Variants in TDRD6 observed in about 807,000 individuals in gnomAD.
TDRD6 encodes the protein tudor domain containing 6.
A neutral mutation model predicts 157.5 loss-of-function variants in TDRD6; 186 were observed. The ratio of observed to expected loss-of-function variants is 1.18; its 90% CI spans 1.05 to 1.33. The LOEUF (loss-of-function observed/expected upper bound fraction) is 1.33, where lower values mean the gene tolerates loss of function less well. Among genes scored for constraint, TDRD6 ranks in the 40% most tolerant of loss-of-function variants. The pLI, the probability that TDRD6 is intolerant of heterozygous loss-of-function variation, is 0.00. For synonymous variants in TDRD6, 1,075 were observed against 945.2 expected (o/e 1.14, Z -2.52); for missense variants, 3,066 against 2,508.0 (o/e 1.22, Z -4.75).
rs1304145409 is a variant in TDRD6, at chr6:46,689,670, T to A, written c.1542T>A (p.Ser514Arg). The A allele has an allele frequency of 6.2e-7, 1 of 1,614,214 alleles. No homozygotes were observed. The change falls in exon 1 of 4, where the codon AGT (serine) becomes AGA (arginine). Residue 514 changes from serine (S) to arginine (R), a missense_variant. Transcript: ENST00000316081. ...IRLRKHNVTF[S>R]KLMRRMCGFY... ...TGAGGAAACACAATGTCACCTTCAGTAAGCTGATGAGGAGAATGTGTGGTT... is the reference window on the plus strand; with the variant it reads ...TGAGGAAACACAATGTCACCTTCAGAAAGCTGATGAGGAGAATGTGTGGTT...
chr6:46,689,217 G>C lies in TDRD6; in HGVS notation c.1089G>C (p.Leu363=). ...GTTGCAGCAGCCTTCGGTACTTGCTGCCTGAATATTTTCGAATGCCGGTGG... is the reference window on the plus strand; with the variant it reads ...GTTGCAGCAGCCTTCGGTACTTGCTCCCTGAATATTTTCGAATGCCGGTGG... ...LVSCSSLRYL[L]PEYFRMPVVT... Residue 363 remains leucine, a synonymous_variant, in exon 1 of 4, where the codon CTG becomes CTC. Transcript: ENST00000316081. 6.2e-7 allele frequency: 1 copy of C among 1,614,204 alleles called. No homozygotes were observed. The highest frequency in any genetic ancestry group is 1.1e-5 in the South Asian group (1 of 91,078).
rs1386723563 is a variant in TDRD6 at position 46,688,320 on chromosome 6, C to T, written c.192C>T (p.Ser64=). 5 of 1,519,686 alleles carry T rather than the reference C, an allele frequency of 3.3e-6. No homozygotes were observed. The highest frequency in any genetic ancestry group is 4.4e-6 in the Non-Finnish European group (5 of 1,139,178). 94.1% of individuals were successfully genotyped at this position (1,519,686 alleles called of 1,614,324 possible). A position where few individuals can be genotyped will look rare whatever the true frequency, so the allele number is the denominator to read the frequency against. The change falls in exon 1 of 4, where the codon AGC becomes AGT. Residue 64 remains serine (S), a synonymous_variant. Transcript: ENST00000316081. ...AATRGQWALG[S]ASASPGELCL... ...CGCGCGGCCAGTGGGCGCTGGGCAG[C>T]GCCTCGGCCTCGCCCGGCGAGCTGT...
the TDRD6 span, chr6:46,681,494 C>T: frequency 0.84 from 391,607 of 468,414 alleles, 164,576 homozygotes; most frequent in African/African-American, 0.95. Context: ...GAATACATTA[C>T]TTTCTTCTCT....
rs1431957434 is a variant in TDRD6 at position 46,688,540 on chromosome 6, G to A, written c.412G>A (p.Gly138Ser). The A allele has an allele frequency of 5.7e-6, 9 of 1,575,762 alleles. No homozygotes were observed. The highest frequency in any genetic ancestry group is 6.9e-6 in the Non-Finnish European group (8 of 1,166,266). The stretch of plus-strand genomic sequence containing the variant: ...CGTGCTAGCGGGCCTGGTGCCGGCA[G>A]GCTGCGGCGCGGGCTCAGGCGAGCC... ...GCVLAGLVPAGCGAGSGEPPQ... is the reference protein window; with the variant it reads ...GCVLAGLVPASCGAGSGEPPQ... The change falls in exon 1 of 4, where the codon GGC becomes AGC. Residue 138 changes from glycine (G) to serine (S), a missense_variant. Gly to Ser is a moderately conservative substitution (Grantham distance 56, BLOSUM62 0). Transcript: ENST00000316081.
Position 46,689,996 on chromosome 6 carries a change from CTG to C in TDRD6, c.1871_1872del (p.Val624AlafsTer11). 1 of 1,613,480 alleles carries C rather than the reference CTG, an allele frequency of 6.2e-7. No individual in the cohort carries two copies. Among genetic ancestry groups the C allele is most frequent in the African/African-American group, 1.3e-5 (1 of 74,958 alleles). On this transcript the variant is annotated frameshift_variant, in exon 1 of 4. Coordinates refer to ENST00000316081, the MANE Select transcript of TDRD6 (RefSeq NM_001010870.3). LOFTEE classifies it high-confidence loss of function. ...GAGGCAGTTTCCTTTTTTAAAAAGA[CTG>C]TGCTCCACAAAGAATTAGTCATCCA... is the stretch of plus-strand genomic sequence containing the variant.
Position 46,694,096 on chromosome 6 carries a change from G to T in TDRD6, c.5968G>T (p.Ala1990Ser), listed in dbSNP as rs1388486143. The change falls in exon 1 of 4, where the codon GCA (alanine) becomes TCA (serine). Residue 1990 changes from alanine (A) to serine (S), a missense_variant. Transcript: ENST00000316081. ...GTATAAAAACAGGGATGCCATTTCG[G>T]CATTGATGCCTTTGTTCTCTGAGGA... Reference protein sequence around the residue: ...VEYKNRDAISALMPLFSEEES... With the variant: ...VEYKNRDAISSLMPLFSEEES... The T allele has an allele frequency of 1.9e-6, 3 of 1,610,002 alleles. No individual in the cohort carries two copies. Among genetic ancestry groups the T allele is most frequent in the South Asian group, 2.2e-5 (2 of 89,972 alleles).
At chr6:46,682,042 A>T in the TDRD6 span, among the ~76,000 whole-genome samples, 60 of 152,222 alleles carry the variant, frequency 3.9e-4, no homozygotes, top group African/African-American at 1.4e-3. Flanking sequence ...AATGGTTTCA[A>T]TGGTAAGTTT....
rs1288943845 is a variant in TDRD6 at position 46,693,758 on chromosome 6, C to T, written c.5630C>T (p.Pro1877Leu). ...CTAAGCCCGGTGCCACCGAATGTGC[C>T]ACTCTCCCAAGAGTGTGTCACAAAA... ...GELSPVPPNV[P>L]LSQECVTKGA... The change falls in exon 1 of 4, where the codon CCA becomes CTA. Residue 1877 changes from proline to leucine, a missense_variant. Coordinates refer to ENST00000316081, the MANE Select transcript of TDRD6 (RefSeq NM_001010870.3). 1 of 1,614,038 alleles carries T rather than the reference C, an allele frequency of 6.2e-7. No homozygotes were observed. The highest frequency in any genetic ancestry group is 1.3e-5 in the African/African-American group (1 of 74,918).
chr6:46,696,031 C>T lies in TDRD6; in HGVS notation c.6171+86C>T, dbSNP rs578070808. On this transcript the variant is annotated intron_variant, in intron 2 of 3. Coordinates refer to ENST00000316081, the MANE Select transcript of TDRD6 (RefSeq NM_001010870.3). ...CCAGACTCTGTCAGACTAGAGAACGCGATTGAACAAATGTTTACTTGCTTG... is the reference window on the plus strand; with the variant it reads ...CCAGACTCTGTCAGACTAGAGAACGTGATTGAACAAATGTTTACTTGCTTG... The T allele has an allele frequency of 4.4e-5, 62 of 1,421,136 alleles. 1 individual carries two copies. In the Middle Eastern group the frequency reaches 1.2e-3, roughly 27 times the overall value. 88.0% of individuals were successfully genotyped at this position (1,421,136 alleles called of 1,614,324 possible).
In TDRD6 at chr6:46,703,289, AAGT is replaced by A. The variant is rs1241882745; in HGVS notation, c.*1405_*1407del. On this transcript the variant is annotated 3_prime_UTR_variant, in exon 4 of 4. Coordinates refer to ENST00000316081, the MANE Select transcript of TDRD6 (RefSeq NM_001010870.3). Reference sequence around the variant, plus strand: ...CTTAAAAACCCATTATAATTTCCGTAAGTAGAAGGGAGAGAGGTTTGCATTAAA... The same window carrying A: ...CTTAAAAACCCATTATAATTTCCGTAAGAAGGGAGAGAGGTTTGCATTAAA... 2 of 152,094 alleles carry A rather than the reference AAGT, an allele frequency of 1.3e-5. No individual in the cohort carries two copies. The highest frequency in any genetic ancestry group is 6.6e-5 in the Admixed American group (1 of 15,262). The allele number at this position is 152,094 out of a possible 1,614,324, so 9.4% of individuals were successfully genotyped here.
chr6:46,695,935 A>G lies in TDRD6; in HGVS notation c.6161A>G (p.Glu2054Gly). ...TGTGAGATTTTAGAAACAGCTGAAG[A>G]AGGAACAAGGGTAAGTGATGTTTAA... The part of the protein sequence containing the change: ...SKCEILETAE[E>G]GTRVLNLSNG... Residue 2054 changes from glutamate to glycine, a missense_variant, in exon 2 of 4, where the codon GAA becomes GGA. Coordinates refer to ENST00000316081, the MANE Select transcript of TDRD6 (RefSeq NM_001010870.3). 1 of 1,613,058 alleles carries G rather than the reference A, an allele frequency of 6.2e-7. No homozygotes were observed. The highest frequency in any genetic ancestry group is 1.1e-5 in the South Asian group (1 of 90,958).
At position 46,691,502 on chromosome 6, in the gene TDRD6, AG is replaced by A; in HGVS notation, c.3376del (p.Ala1126LeufsTer2). The A allele has an allele frequency of 6.2e-7, 1 of 1,614,082 alleles. No homozygotes were observed. On this transcript the variant is annotated frameshift_variant, in exon 1 of 4. Coordinates refer to ENST00000316081, the MANE Select transcript of TDRD6 (RefSeq NM_001010870.3). LOFTEE classifies it high-confidence loss of function. ...FQETILDKSL[K>X]ALVVAKDPDG... ...GAGACTATTTTAGATAAGTCATTGA[AG>A]GCTTTAGTTGTAGCAAAAGATCCAG...
rs779365592 is a variant in TDRD6, at chr6:46,688,475, G to A, written c.347G>A (p.Arg116His). The change falls in exon 1 of 4, where the codon CGC becomes CAC. Residue 116 changes from arginine (R) to histidine (H), a missense_variant. Coordinates refer to ENST00000316081, the MANE Select transcript of TDRD6 (RefSeq NM_001010870.3). The part of the protein sequence containing the change: ...TAGAGSLAPG[R>H]REFFNLPSEV... ...GGAGCAGGCTCGCTGGCGCCTGGGC[G>A]CAGAGAGTTCTTCAATTTGCCCTCG... 13 of 1,548,108 alleles carry A rather than the reference G, an allele frequency of 8.4e-6. No homozygotes were observed. In the South Asian group the frequency reaches 1.4e-4, roughly 17 times the overall value.
rs369884754 is a variant in TDRD6, at chr6:46,694,427, C to A, written c.6046+253C>A. The stretch of plus-strand genomic sequence containing the variant: ...ATGTTATCCAGGTTGGTCTCAAACT[C>A]CTGGGCTCAAGCAGTCCTTCTGCCT... On this transcript the variant is annotated intron_variant, in intron 1 of 3. Coordinates refer to ENST00000316081, the MANE Select transcript of TDRD6 (RefSeq NM_001010870.3). 5.3e-4 allele frequency among the ~76,000 whole-genome samples: 81 copies of A among 152,142 alleles called. No individual in the cohort carries two copies. The South Asian group carries it at 5.6e-3, about 11-fold the overall frequency.
rs755485298 is a variant in TDRD6 at position 46,689,372 on chromosome 6, T to C, written c.1244T>C (p.Phe415Ser). Residue 415 changes from phenylalanine to serine, a missense_variant, in exon 1 of 4, where the codon TTT (phenylalanine) becomes TCT (serine). By Grantham distance (155) the Phe-to-Ser change is radical. Transcript: ENST00000316081. ...GCAAAGATTGAATTTTATTGCTCCT[T>C]TGAGCATGTGTATTATGTCAGCCTG... ...VNAKIEFYCS[F>S]EHVYYVSLYG... The C allele has an allele frequency of 4.3e-6, 7 of 1,614,030 alleles. No homozygotes were observed. The highest frequency in any genetic ancestry group is 2.2e-5 in the East Asian group (1 of 44,868).
Position 46,691,586 on chromosome 6 carries a change from AT to A in TDRD6, c.3459del (p.Asn1153LysfsTer13). 1 of 1,613,550 alleles carries A rather than the reference AT, an allele frequency of 6.2e-7. No homozygotes were observed. Among genetic ancestry groups the A allele is most frequent in the Non-Finnish European group, 8.5e-7 (1 of 1,179,734 alleles). On this transcript the variant is annotated frameshift_variant, in exon 1 of 4. Transcript: ENST00000316081. LOFTEE classifies it high-confidence loss of function. ...GDNIQISASI[N>X]KKLGLLSYKD... ...AATATTCAAATTAGTGCTAGTATTA[AT>A]AAGAAGTTGGGGCTACTTAGTTACA...
chr6:46,689,707 G>T lies in TDRD6; in HGVS notation c.1579G>T (p.Ala527Ser). Reference protein sequence around the residue: ...MRRMCGFYSSASKLDGVVLKP... With the variant: ...MRRMCGFYSSSSKLDGVVLKP... ...GAGAATGTGTGGTTTCTATTCCTCT[G>T]CCAGTAAGCTGGATGGTGTAGTTTT... The change falls in exon 1 of 4, where the codon GCC becomes TCC. Residue 527 changes from alanine (A) to serine (S), a missense_variant. Coordinates refer to ENST00000316081, the MANE Select transcript of TDRD6 (RefSeq NM_001010870.3). 1.9e-6 allele frequency: 3 copies of T among 1,614,202 alleles called. No homozygotes were observed. Among genetic ancestry groups the T allele is most frequent in the Non-Finnish European group, 2.5e-6 (3 of 1,180,046 alleles).
upstream of TDRD6, among the ~76,000 whole-genome samples, chr6:46,686,139 A>G (rs895195109): frequency 9.9e-5 from 15 of 152,252 alleles, no homozygotes; most frequent in African/African-American, 3.4e-4. Flanking sequence ...GACAAATGAA[A>G]TACAGAAAGT....
chr6:46,684,730 A>G (rs578146738), upstream of TDRD6, among the ~76,000 whole-genome samples: 2 of 152,188 alleles, frequency 1.3e-5, no homozygotes, highest in African/African-American at 4.8e-5. Context: ...GTATTGATGT[A>G]CCACAGTTTG....
Sources: gnomAD v4.1 joint callset for allele counts (sites outside exome capture counted in the v4.1 genomes callset) on GRCh38, gnomAD v4.1.1 for gene constraint, MANE v1.5 for transcripts, NCBI Gene and HGNC (gene_info 2026-07-23, HGNC 2026-07-21) for gene names.